Variants in SOX6 observed in about 807,000 individuals in gnomAD.
SOX6 encodes transcription factor SOX-6.
Under a neutral mutation model 97.8 loss-of-function variants are expected in SOX6, and 11 were observed. The observed-to-expected ratio is 0.11, with a 90% CI of 0.07 to 0.19. The LOEUF (loss-of-function observed/expected upper bound fraction) is 0.19, where lower values mean the gene tolerates loss of function less well. Ranked by LOEUF, SOX6 falls within the 10% of genes least tolerant of loss-of-function variation. The pLI, the probability that SOX6 is intolerant of heterozygous loss-of-function variation, is 1.00. For synonymous variants in SOX6, 360 were observed against 371.4 expected (o/e 0.97, Z 0.35); for missense variants, 810 against 1,039.5 (o/e 0.78, Z 3.04).
chr11:16,338,345 C>T (rs1359044084), intron 2 of SOX6, among the ~76,000 whole-genome samples: 2 of 151,958 alleles, frequency 1.3e-5, no homozygotes, highest in African/African-American at 2.4e-5. Flanking sequence ...AGTCCTCCCA[C>T]TCCAACACAC....
chr11:16,248,849 G>A (rs1565046388), intron 3 of SOX6, among the ~76,000 whole-genome samples: 1 of 152,174 alleles, frequency 6.6e-6, no homozygotes, highest in Non-Finnish European at 1.5e-5. Flanking sequence ...TGTAATCCCA[G>A]CACTTTGGGA....
intron 9 of SOX6, among the ~76,000 whole-genome samples, chr11:16,078,441 T>C (rs555818826): frequency 3.3e-4 from 51 of 152,350 alleles, no homozygotes; most frequent in African/African-American, 1.2e-3. Context: ...GTACATGTGC[T>C]GAGTCCAATC....
intron 1 of SOX6, among the ~76,000 whole-genome samples, chr11:16,463,511 A>G (rs953419225): frequency 5.3e-5 from 8 of 152,232 alleles, no homozygotes; most frequent in East Asian, 1.9e-4. Context: ...GGAGGAAGCT[A>G]TCTTACAATA....
chr11:16,009,607 T>C (rs1350694805), intron 13 of SOX6, among the ~76,000 whole-genome samples: 1 of 152,080 alleles, frequency 6.6e-6, no homozygotes, highest in Non-Finnish European at 1.5e-5. Context: ...GCCAGTATTC[T>C]GTCTTCAGAC....
intron 3 of SOX6, among the ~76,000 whole-genome samples, chr11:16,235,038 A>G (rs1255699891): frequency 6.6e-6 from 1 of 151,982 alleles, no homozygotes; most frequent in Non-Finnish European, 1.5e-5. Flanking sequence ...TCCAGGCAAT[A>G]TTTTTTAAGT....
intron 3 of SOX6, among the ~76,000 whole-genome samples, chr11:16,670,495 T>C (rs1392672967): frequency 1.3e-5 from 2 of 152,128 alleles, no homozygotes; most frequent in Non-Finnish European, 2.9e-5. Flanking sequence ...AAACTGCCCT[T>C]GCTACACTTG....
At chr11:15,985,506 C>T (rs1293806112) in intron 15 of SOX6, among the ~76,000 whole-genome samples, 1 of 152,124 alleles carries the variant, frequency 6.6e-6, no homozygotes, top group Non-Finnish European at 1.5e-5. Context: ...CATCTGCATC[C>T]CCACTTATCC....
intron 9 of SOX6, among the ~76,000 whole-genome samples, chr11:16,095,103 C>T (rs1848765537): frequency 6.6e-6 from 1 of 151,766 alleles, no homozygotes; most frequent in Non-Finnish European, 1.5e-5. Context: ...GTTGAGTTTC[C>T]CATCCTAGGT....
chr11:16,384,441 C>T (rs1159328334), intron 1 of SOX6, among the ~76,000 whole-genome samples: 1 of 151,714 alleles, frequency 6.6e-6, no homozygotes. Context: ...ACAATAAACT[C>T]ACGTGAAAAA....
chr11:16,704,914 C>T (rs1848120290), intron 3 of SOX6, among the ~76,000 whole-genome samples: 1 of 152,126 alleles, frequency 6.6e-6, no homozygotes, highest in South Asian at 2.1e-4. Context: ...CTTTTTAAAA[C>T]ATTATTTAAC....
At chr11:16,256,653 G>C (rs1853697968) in intron 3 of SOX6, among the ~76,000 whole-genome samples, 1 of 151,884 alleles carries the variant, frequency 6.6e-6, no homozygotes, top group Non-Finnish European at 1.5e-5. Flanking sequence ...ACAAGGGGAG[G>C]ATGTCCCCTC....
In SOX6 at chr11:16,703,989, C is replaced by T. The variant is rs547217975; in HGVS notation, n.429+10841G>A. Among the ~76,000 whole-genome samples the T allele has an allele frequency of 4.6e-5, 7 of 152,302 alleles. No individual in the cohort carries two copies. In the East Asian group the frequency reaches 1.3e-3, roughly 29 times the overall value. ...TTGTCAAATCAACAAATCTAATCTGCTGCTAAAGTCACTGTCAATCAAACT... is the reference window on the plus strand; with the variant it reads ...TTGTCAAATCAACAAATCTAATCTGTTGCTAAAGTCACTGTCAATCAAACT... On this transcript the variant is annotated intron_variant and non_coding_transcript_variant, in intron 3 of 5. Coordinates refer to the SOX6 transcript ENST00000524520.
chr11:16,630,267 C>A (rs1283723473), intron 3 of SOX6, among the ~76,000 whole-genome samples: 1 of 152,114 alleles, frequency 6.6e-6, no homozygotes, highest in African/African-American at 2.4e-5. Context: ...TACTGCATCC[C>A]AGAGATTTTG....
rs1229684612 is a variant in SOX6, at chr11:16,698,791, G to C, written n.429+16039C>G. Among the ~76,000 whole-genome samples the C allele has an allele frequency of 2.0e-5, 3 of 152,180 alleles. No individual in the cohort carries two copies. In the East Asian group the frequency reaches 5.8e-4, roughly 29 times the overall value. On this transcript the variant is annotated intron_variant and non_coding_transcript_variant, in intron 3 of 5. Coordinates refer to the SOX6 transcript ENST00000524520. ...GAGACAGGCAAATGGCTGGCTGGTA[G>C]AGCAGTTAGAACACACAACTCTTAT...
chr11:16,541,268 T>C (rs1861403745), intron 4 of SOX6, among the ~76,000 whole-genome samples: 1 of 152,184 alleles, frequency 6.6e-6, no homozygotes, highest in African/African-American at 2.4e-5. Context: ...TGGCTAGCTA[T>C]ATGTAGAAAG....
intron 1 of SOX6, among the ~76,000 whole-genome samples, chr11:16,444,102 G>C (rs2133088835): frequency 6.6e-6 from 1 of 151,118 alleles, no homozygotes; most frequent in African/African-American, 2.4e-5. Context: ...ATGAGATTTG[G>C]AATAAGAAAA....
intron 6 of SOX6, among the ~76,000 whole-genome samples, chr11:16,127,873 T>A (rs1180522772): frequency 6.6e-6 from 1 of 152,158 alleles, no homozygotes; most frequent in African/African-American, 2.4e-5. Context: ...GTATGATATA[T>A]GCCCAAAATA....
intron 3 of SOX6, among the ~76,000 whole-genome samples, chr11:16,620,554 C>A (rs1848531793): frequency 6.6e-6 from 1 of 152,124 alleles, no homozygotes; most frequent in Non-Finnish European, 1.5e-5. Flanking sequence ...CAGGCCCATG[C>A]CACCATGCCT....
intron 6 of SOX6, among the ~76,000 whole-genome samples, chr11:16,116,455 A>G (rs975782379): frequency 6.6e-6 from 1 of 152,190 alleles, no homozygotes; most frequent in South Asian, 2.1e-4. Context: ...TATTACATTA[A>G]GCATGAAGTC....
Sources: gnomAD v4.1 joint callset for allele counts (sites outside exome capture counted in the v4.1 genomes callset) on GRCh38, gnomAD v4.1.1 for gene constraint, MANE v1.5 for transcripts, NCBI Gene and HGNC (gene_info 2026-07-23, HGNC 2026-07-21) for gene names.